NXPE1: variants seen among roughly 807,000 people sequenced by gnomAD.
The protein encoded by NXPE1 is NXPE family member 1.
NXPE1 carries 31 observed loss-of-function variants against 33.3 expected under a neutral mutation model. That is an observed-to-expected ratio of 0.93 (90% CI 0.70 to 1.26). NXPE1 has a LOEUF of 1.26. NXPE1 is among the 50% of genes most tolerant of loss of function. The pLI, the probability that NXPE1 is intolerant of heterozygous loss-of-function variation, is 0.00. For missense variants in NXPE1, 661 were observed against 655.6 expected, an observed-to-expected ratio of 1.01 and a Z score of -0.09; for synonymous variants, 229 against 231.4, an observed-to-expected ratio of 0.99 and a Z score of 0.09.
chr11:114,530,381 A>G, exon 6 of NXPE1: 1 of 1,614,198 alleles, frequency 6.2e-7, no homozygotes, highest in South Asian at 1.1e-5. Context: ...TGCCATTAAC[A>G]AATTTGCCTT....
At chr11:114,558,572 A>G (rs1948710714) in intron 1 of NXPE1, among the ~76,000 whole-genome samples, 1 of 152,164 alleles carries the variant, frequency 6.6e-6, no homozygotes, top group Non-Finnish European at 1.5e-5. Flanking sequence ...TTTCTGATTC[A>G]TTGAGGTAAT....
intron 5 of NXPE1, among the ~76,000 whole-genome samples, chr11:114,547,462 C>T (rs1470286751): frequency 3.3e-5 from 5 of 152,134 alleles, no homozygotes; most frequent in African/African-American, 7.2e-5. Flanking sequence ...TGGCTGGGTG[C>T]GGTGGCTCAC....
In NXPE1 at chr11:114,539,448, T is replaced by C. The variant is rs1012967306; in HGVS notation, c.100-8540A>G. Among the ~76,000 whole-genome samples the C allele has an allele frequency of 2.0e-5, 3 of 148,154 alleles. No homozygotes were observed. The East Asian group carries it at 5.8e-4, about 29-fold the overall frequency. On this transcript the variant is annotated intron_variant, in intron 5 of 8. Coordinates refer to ENST00000534921, the Ensembl canonical transcript of NXPE1. ...TAAAGTATAATAATAACAAAGAAAA[T>C]ACAATTGAGGAAGCTCTGTCCTTAA...
chr11:114,545,240 A>AT (rs1948234724), intron 5 of NXPE1, among the ~76,000 whole-genome samples: 1 of 152,228 alleles, frequency 6.6e-6, no homozygotes, highest in African/African-American at 2.4e-5. Flanking sequence ...TTGAATGCTT[A>AT]TGTCCACACA....
chr11:114,538,020 T>A (rs1947909617), intron 5 of NXPE1, among the ~76,000 whole-genome samples: 1 of 152,192 alleles, frequency 6.6e-6, no homozygotes, highest in African/African-American at 2.4e-5. Flanking sequence ...GCTACCTGAC[T>A]TCAAACTATA....
chr11:114,530,612 C>T (rs747544730), exon 6 of NXPE1: 15 of 1,614,154 alleles, frequency 9.3e-6, no homozygotes, highest in Middle Eastern at 3.3e-4. Context: ...CACCATATTG[C>T]TTCCTCTGTC....
At chr11:114,546,682 C>A (rs2135084585) in intron 5 of NXPE1, among the ~76,000 whole-genome samples, 1 of 152,184 alleles carries the variant, frequency 6.6e-6, no homozygotes, top group East Asian at 1.9e-4. Context: ...GTGTCTAGAT[C>A]TTTGTTTCCA....
downstream of NXPE1, among the ~76,000 whole-genome samples, chr11:114,520,401 G>A (rs369605804): frequency 1.3e-5 from 2 of 151,834 alleles, no homozygotes; most frequent in Non-Finnish European, 2.9e-5. Flanking sequence ...TTTACTTAGC[G>A]TAACGTCCTC....
chr11:114,544,206 A>AT (rs1948197563), intron 5 of NXPE1, among the ~76,000 whole-genome samples: 1 of 152,132 alleles, frequency 6.6e-6, no homozygotes, highest in Non-Finnish European at 1.5e-5. Flanking sequence ...AATCCCAGCA[A>AT]TTTTTTTGTA....
At chr11:114,526,338 A>G (rs1427519279) in intron 7 of NXPE1, among the ~76,000 whole-genome samples, 4 of 152,242 alleles carry the variant, frequency 2.6e-5, no homozygotes, top group Admixed American at 6.5e-5. Flanking sequence ...AATGATACAT[A>G]GACAACTGAC....
chr11:114,532,508 T>A (rs917968468), intron 5 of NXPE1, among the ~76,000 whole-genome samples: 1 of 152,192 alleles, frequency 6.6e-6, no homozygotes, highest in African/African-American at 2.4e-5. Flanking sequence ...TTTTCTATTT[T>A]TCCCACCTCC....
At chr11:114,552,202 T>C (rs998064550) in intron 2 of NXPE1, 117 bp from the exon 3 acceptor site, 4 of 152,176 alleles carry the variant, frequency 2.6e-5, no homozygotes, top group Non-Finnish European at 4.4e-5. Flanking sequence ...GCAACTCATA[T>C]TGAATCACTA....
chr11:114,533,819 C>T (rs1947683999), intron 5 of NXPE1, among the ~76,000 whole-genome samples: 1 of 152,214 alleles, frequency 6.6e-6, no homozygotes. Context: ...CACCACAGCT[C>T]AAGGAGGCAT....
At position 114,527,905 on chromosome 11, in the gene NXPE1, C is replaced by CA. The variant is rs35058533; in HGVS notation, c.834-5dup. 0.32 allele frequency: 463,833 copies of CA among 1,469,018 alleles called. 43,946 individuals are homozygous for CA. The highest frequency in any genetic ancestry group is 0.55 in the East Asian group (21,585 of 39,558). The allele number at this position is 1,469,018 out of a possible 1,614,324, so 91.0% of individuals were successfully genotyped here. ...CATTTCAACTCCCACTTTGGACCTT[C>CA]AAAAAAAAAATAGAACAATAAATTA... is the stretch of plus-strand genomic sequence containing the variant. On this transcript the variant is annotated splice_region_variant and splice_polypyrimidine_tract_variant and intron_variant, in intron 6 of 8. Transcript: ENST00000534921.
intron 5 of NXPE1, among the ~76,000 whole-genome samples, chr11:114,537,882 A>G (rs1328781635): frequency 6.6e-6 from 1 of 152,104 alleles, no homozygotes; most frequent in Non-Finnish European, 1.5e-5. Flanking sequence ...ATTCAATGCC[A>G]TCCCCATCAA....
At chr11:114,521,677 T>C (rs552248265) in exon 9 of NXPE1, 72 of 303,200 alleles carry the variant, frequency 2.4e-4, no homozygotes, top group Non-Finnish European at 3.0e-4. Flanking sequence ...GAAAGCATCA[T>C]GAATTTGTAC....
At chr11:114,556,144 A>G (rs1262713410) in intron 1 of NXPE1, among the ~76,000 whole-genome samples, 2 of 152,218 alleles carry the variant, frequency 1.3e-5, no homozygotes, top group African/African-American at 4.8e-5. Context: ...TGCTCTAGTA[A>G]CAATATTGAG....
exon 5 of NXPE1, chr11:114,551,199 C>T: frequency 6.5e-7 from 1 of 1,530,438 alleles, no homozygotes; most frequent in Non-Finnish European, 8.8e-7. Context: ...TATTTGAGGA[C>T]ATGACGAATG....
intron 1 of NXPE1, among the ~76,000 whole-genome samples, chr11:114,556,188 A>T (rs1948644061): frequency 6.6e-6 from 1 of 152,192 alleles, no homozygotes; most frequent in South Asian, 2.1e-4. Flanking sequence ...TATACCTCTC[A>T]GTTTGAATTT....
Sources: allele counts gnomAD v4.1 joint callset (sites outside exome capture counted in the v4.1 genomes callset), GRCh38; gene constraint gnomAD v4.1.1; transcripts MANE v1.5; gene names NCBI Gene and HGNC (gene_info 2026-07-23, HGNC 2026-07-21).